The following SLC25A21 variants were observed in gnomAD, a reference collection of about 807,000 sequenced individuals.
SLC25A21 encodes the protein solute carrier family 25 member 21, also known as mitochondrial 2-oxodicarboxylate carrier.
SLC25A21 carries 47 observed loss-of-function variants against 43.8 expected under a neutral mutation model. The ratio of observed to expected loss-of-function variants is 1.07; its 90% CI spans 0.85 to 1.37. The LOEUF (loss-of-function observed/expected upper bound fraction) is 1.37. SLC25A21 is among the 40% of genes most tolerant of loss of function. SLC25A21 has a pLI of 0.00. For synonymous variants in SLC25A21, 131 were observed against 121.3 expected (o/e 1.08, Z -0.52); for missense variants, 352 against 350.2 (o/e 1.00, Z -0.04).
chr14:36,822,385 G>T (rs1334026479), intron 2 of SLC25A21, among the ~76,000 whole-genome samples: 3 of 152,172 alleles, frequency 2.0e-5, no homozygotes, highest in Admixed American at 1.3e-4. Context: ...CCTGATTGTT[G>T]CTTAGTCATT....
intron 3 of SLC25A21, among the ~76,000 whole-genome samples, chr14:36,789,843 T>TATATTTTATATATTTATATAAAA (rs1339780522): frequency 9.1e-6 from 1 of 109,968 alleles, no homozygotes; most frequent in Non-Finnish European, 1.8e-5. Context: ...TTATATTTAA[T>TATATTTTATATATTTATATAAAA]ATATTTTATA....
chr14:36,758,565 C>CT (rs1467415180), intron 3 of SLC25A21, among the ~76,000 whole-genome samples: 12 of 122,996 alleles, frequency 9.8e-5, no homozygotes, highest in Non-Finnish European at 1.8e-4. Context: ...GATGAGCTTT[C>CT]TTTTCTATAT....
chr14:36,742,977 G>T (rs1885332882), intron 3 of SLC25A21, among the ~76,000 whole-genome samples: 1 of 152,004 alleles, frequency 6.6e-6, no homozygotes, highest in East Asian at 1.9e-4. Context: ...ATTTTTTTGG[G>T]TGCAACTGAA....
chr14:37,116,674 T>C (rs535732318), intron 1 of SLC25A21, among the ~76,000 whole-genome samples: 2 of 152,278 alleles, frequency 1.3e-5, no homozygotes, highest in South Asian at 4.1e-4. Context: ...CCTTCACTTA[T>C]AATAGAAACC....
At chr14:36,756,165 G>A (rs147751973) in intron 3 of SLC25A21, among the ~76,000 whole-genome samples, 296 of 152,310 alleles carry the variant, frequency 1.9e-3, no homozygotes, top group Non-Finnish European at 3.1e-3. Context: ...AAGTGGGTGT[G>A]TCCATGTGAT....
At position 37,063,041 on chromosome 14, in the gene SLC25A21, G is replaced by A. The variant is rs538652234; in HGVS notation, c.70+109240C>T. 7.9e-5 allele frequency among the ~76,000 whole-genome samples: 12 copies of A among 152,308 alleles called. No individual in the cohort carries two copies. The South Asian group carries it at 2.5e-3, about 32-fold the overall frequency. On this transcript the variant is annotated intron_variant, in intron 1 of 9. Coordinates refer to ENST00000331299, the MANE Select transcript of SLC25A21 (RefSeq NM_030631.4). ...TACTTCTTCACAGGGCAGCAGGAGA[G>A]AGAATGAGTGCCCAGCAAAGGGGGA...
chr14:36,923,442 C>A (rs1375246507), intron 1 of SLC25A21, among the ~76,000 whole-genome samples: 1 of 152,078 alleles, frequency 6.6e-6, no homozygotes, highest in Non-Finnish European at 1.5e-5. Flanking sequence ...AGAAGTCCTA[C>A]AACCAGAAGA....
intron 7 of SLC25A21, among the ~76,000 whole-genome samples, chr14:36,703,205 T>G (rs1315447161): frequency 3.3e-5 from 5 of 152,214 alleles, no homozygotes; most frequent in Admixed American, 3.3e-4. Context: ...CTATTGAGAT[T>G]CTTCTTTTCA....
At chr14:37,160,439 C>T (rs1294808006) in intron 1 of SLC25A21, among the ~76,000 whole-genome samples, 2 of 152,038 alleles carry the variant, frequency 1.3e-5, no homozygotes, top group Non-Finnish European at 2.9e-5. Flanking sequence ...AACTGGAGGT[C>T]GTTATCTTAA....
At chr14:36,791,035 A>T (rs546954309) in intron 3 of SLC25A21, among the ~76,000 whole-genome samples, 16 of 152,268 alleles carry the variant, frequency 1.1e-4, no homozygotes, top group African/African-American at 3.8e-4. Context: ...GAACATAAGC[A>T]ATAGCTACAG....
chr14:36,798,837 A>ACACC (rs1296418845), intron 3 of SLC25A21, among the ~76,000 whole-genome samples: 43 of 152,128 alleles, frequency 2.8e-4, no homozygotes, highest in African/African-American at 4.8e-5. Flanking sequence ...AGCATTACAA[A>ACACC]AGGAGGTGTT....
In SLC25A21 at chr14:36,727,521, C is replaced by G. The variant is rs201300790; in HGVS notation, c.331-1844G>C. ...TGGCCAACATGGTGAAACCCCATCT[C>G]TACTAAAAATACAAAAATTAGTTGG... On this transcript the variant is annotated intron_variant, in intron 5 of 9. Coordinates refer to ENST00000331299, the MANE Select transcript of SLC25A21 (RefSeq NM_030631.4). 5.9e-5 allele frequency among the ~76,000 whole-genome samples: 9 copies of G among 152,240 alleles called. No individual in the cohort carries two copies. The East Asian group carries it at 1.6e-3, about 26-fold the overall frequency.
intron 1 of SLC25A21, among the ~76,000 whole-genome samples, chr14:37,046,041 C>G (rs1003198942): frequency 6.6e-6 from 1 of 152,154 alleles, no homozygotes; most frequent in Non-Finnish European, 1.5e-5. Flanking sequence ...CACGACAACC[C>G]TATTAGTGAG....
At chr14:36,972,486 C>T (rs1295334919) in intron 1 of SLC25A21, among the ~76,000 whole-genome samples, 2 of 152,074 alleles carry the variant, frequency 1.3e-5, no homozygotes, top group South Asian at 2.1e-4. Flanking sequence ...ACATAACGAA[C>T]TTTAGTGGGA....
chr14:37,090,257 G>C (rs1962559809), intron 1 of SLC25A21, among the ~76,000 whole-genome samples: 1 of 152,216 alleles, frequency 6.6e-6, no homozygotes, highest in South Asian at 2.1e-4. Flanking sequence ...GGATTGTAAT[G>C]ATTGCTGTTG....
At chr14:36,780,423 ATT>A (rs1395100913) in intron 3 of SLC25A21, among the ~76,000 whole-genome samples, 1 of 151,844 alleles carries the variant, frequency 6.6e-6, no homozygotes, top group Non-Finnish European at 1.5e-5. Flanking sequence ...CATGAAGTTA[ATT>A]TGTTTAATTG....
intron 2 of SLC25A21, among the ~76,000 whole-genome samples, chr14:36,840,116 G>A (rs1172323595): frequency 2.0e-5 from 3 of 152,120 alleles, no homozygotes; most frequent in Non-Finnish European, 4.4e-5. Context: ...GGAAACCAGA[G>A]CTCACGGAAC....
chr14:36,746,122 A>G (rs1487325880), intron 3 of SLC25A21, among the ~76,000 whole-genome samples: 1 of 152,196 alleles, frequency 6.6e-6, no homozygotes, highest in Non-Finnish European at 1.5e-5. Context: ...AAAGGAAAAA[A>G]AAGCATCATA....
At chr14:36,975,803 T>A (rs534542241) in intron 1 of SLC25A21, among the ~76,000 whole-genome samples, 2 of 152,294 alleles carry the variant, frequency 1.3e-5, no homozygotes, top group African/African-American at 4.8e-5. Context: ...GGACCATAGT[T>A]GACATCAGTG....
Sources: allele counts gnomAD v4.1 joint callset (sites outside exome capture counted in the v4.1 genomes callset), GRCh38; gene constraint gnomAD v4.1.1; transcripts MANE v1.5; gene names NCBI Gene and HGNC (gene_info 2026-07-23, HGNC 2026-07-21).